The following MRPL12 variants were observed in gnomAD, a reference collection of about 807,000 sequenced individuals.
MRPL12 encodes large ribosomal subunit protein bL12m.
Under a neutral mutation model 21.1 loss-of-function variants are expected in MRPL12, and 13 were observed. That is an observed-to-expected ratio of 0.62 (90% confidence interval 0.40 to 0.98). MRPL12 has a LOEUF of 0.98. MRPL12 is among the 50% of genes least tolerant of loss of function. The pLI is 0.00. For missense variants in MRPL12, 251 were observed against 268.6 expected (o/e 0.93, Z 0.46); for synonymous variants, 126 against 115.3 (o/e 1.09, Z -0.60).
At position 81,704,628 on chromosome 17, in the gene MRPL12, T is replaced by C. The variant is rs2037294040; in HGVS notation, c.262-5T>C. On this transcript the variant is annotated splice_polypyrimidine_tract_variant and splice_region_variant and intron_variant, in intron 2 of 4. Coordinates refer to ENST00000333676, the MANE Select transcript of MRPL12 (RefSeq NM_002949.4). ...AGCTGTGGACACTGTTCTCTATCTC[T>C]GCAGAAAACGTTGAAGATCCAGGAT... 2 of 1,613,906 alleles carry C rather than the reference T, an allele frequency of 1.2e-6. No homozygotes were observed. Among genetic ancestry groups the C allele is most frequent in the South Asian group, 1.1e-5 (1 of 91,080 alleles).
At chr17:81,706,792 G>A in intron 3 of MRPL12, 114 bp from the exon 4 acceptor site, 2 of 1,295,118 alleles carry the variant, frequency 1.5e-6, no homozygotes, top group South Asian at 1.5e-5. Flanking sequence ...AGGCTTCGCT[G>A]GGGCCTCCGC....
rs1367954557 is a variant in MRPL12, at chr17:81,703,583, G to GGC, written c.74+9_74+10insCG. 7.1e-7 allele frequency: 1 copy of GGC among 1,410,298 alleles called. No individual in the cohort carries two copies. Among genetic ancestry groups the GGC allele is most frequent in the Non-Finnish European group, 9.2e-7 (1 of 1,084,728 alleles). 87.4% of individuals were successfully genotyped at this position (1,410,298 alleles called of 1,614,324 possible). A position where few individuals can be genotyped will look rare whatever the true frequency, so the allele number is the denominator to read the frequency against. ...TGCGTTCCGCCTTGCCAGGTACGCG[G>GGC]GATCCTGGGGCGGTCCGGGCCGGCA... On this transcript the variant is annotated intron_variant, in intron 1 of 4. Transcript: ENST00000333676.
intron 3 of MRPL12, among the ~76,000 whole-genome samples, chr17:81,705,389 CAAAA>C (rs758967615): frequency 7.9e-5 from 5 of 63,236 alleles, no homozygotes; most frequent in Non-Finnish European, 1.2e-4. Flanking sequence ...GACCCTGTCT[CAAAA>C]AAAAAAAAAA....
chr17:81,704,869 C>G (rs529106745), intron 3 of MRPL12, among the ~76,000 whole-genome samples, 153 bp downstream of exon 3: 1 of 152,378 alleles, frequency 6.6e-6, no homozygotes, highest in South Asian at 2.1e-4. Context: ...GACCTACTCC[C>G]TGCCACGGAT....
At position 81,707,196 on chromosome 17, in the gene MRPL12, A is replaced by G; in HGVS notation, c.553A>G (p.Lys185Glu). The change falls in exon 5 of 5, where the codon AAG (lysine) becomes GAG (glutamate). Residue 185 changes from lysine to glutamate, a missense_variant. Lys to Glu is a moderately conservative substitution (Grantham distance 56, BLOSUM62 1). Coordinates refer to ENST00000333676, the MANE Select transcript of MRPL12 (RefSeq NM_002949.4). ...NVAKAEAEKI[K>E]AALEAVGGTV... ...CGCCAAAGCTGAGGCGGAGAAGATC[A>G]AGGCGGCCCTGGAGGCGGTGGGCGG... The G allele has an allele frequency of 6.2e-7, 1 of 1,611,988 alleles. No individual in the cohort carries two copies. Among genetic ancestry groups the G allele is most frequent in the Non-Finnish European group, 8.5e-7 (1 of 1,178,770 alleles).
intron 2 of MRPL12, 66 bp downstream of exon 2, chr17:81,704,496 G>A (rs760713762): frequency 4.0e-5 from 64 of 1,586,108 alleles, no homozygotes; most frequent in Non-Finnish European, 5.5e-5. Flanking sequence ...TTTGTTCCTG[G>A]TGTATTTTGG....
At chr17:81,706,601 G>A (rs996445100) in intron 3 of MRPL12, among the ~76,000 whole-genome samples, 1 of 152,136 alleles carries the variant, frequency 6.6e-6, no homozygotes, top group African/African-American at 2.4e-5. Context: ...CTGGACTCGC[G>A]AGGCCAAGGC....
rs752107740 is a variant in MRPL12, at chr17:81,706,899, C to T, written c.346-7C>T. 4 of 1,613,342 alleles carry T rather than the reference C, an allele frequency of 2.5e-6. No individual in the cohort carries two copies. The highest frequency in any genetic ancestry group is 1.3e-5 in the African/African-American group (1 of 74,928). On this transcript the variant is annotated splice_region_variant and splice_polypyrimidine_tract_variant and intron_variant, in intron 3 of 4. Transcript: ENST00000333676. ...CACCTGGCTCCCCTTCTTTCCTGCT[C>T]CCTAAGGCGGTGGAAGAAGATATCC...
intron 3 of MRPL12, among the ~76,000 whole-genome samples, chr17:81,706,393 C>T (rs73354145): frequency 0.049 from 7,480 of 152,112 alleles, 367 homozygotes; most frequent in African/African-American, 0.12. Context: ...ATTACAGGCG[C>T]GCACCACTAG....
At chr17:81,706,885 C>T (rs548458251) in intron 3 of MRPL12, 21 bp from the exon 4 acceptor site, 105 of 1,612,434 alleles carry the variant, frequency 6.5e-5, no homozygotes, top group Admixed American at 1.2e-4. Context: ...ACCTGGCTCC[C>T]CTTCTTTCCT....
chr17:81,704,810 G>A (rs147011808), intron 3 of MRPL12, 94 bp downstream of exon 3: 193 of 1,091,316 alleles, frequency 1.8e-4, no homozygotes, highest in African/African-American at 1.4e-3. Context: ...TGCAGCTACC[G>A]TCATTGTCTG....
chr17:81,705,493 GA>G (rs1159664477), intron 3 of MRPL12, among the ~76,000 whole-genome samples: 1 of 152,134 alleles, frequency 6.6e-6, no homozygotes, highest in Non-Finnish European at 1.5e-5. Flanking sequence ...CTCAAGGTGG[GA>G]GGGAGAGTTC....
chr17:81,703,713 G>A, intron 1 of MRPL12, 138 bp downstream of exon 1: 1 of 837,084 alleles, frequency 1.2e-6, no homozygotes, highest in Non-Finnish European at 1.6e-6. Context: ...GTCCCATCGG[G>A]GGCGCGGGGA....
In MRPL12 at chr17:81,707,277, GC is replaced by G. The variant is rs778329893; in HGVS notation, c.*41del. ...GAGGACTTGTGTTCAGGGGTCCTGG[GC>G]CCCGGGCGAGGTCCCGCCCTCCCGT... On this transcript the variant is annotated 3_prime_UTR_variant, in exon 5 of 5. Transcript: ENST00000333676. 5.9e-6 allele frequency: 9 copies of G among 1,524,418 alleles called. No homozygotes were observed. The African/African-American group carries it at 1.1e-4, about 19-fold the overall frequency. 94.4% of individuals were successfully genotyped at this position (1,524,418 alleles called of 1,614,324 possible).
rs2037295688 is a variant in MRPL12 at position 81,704,704 on chromosome 17, A to G, written c.333A>G (p.Ala111=). The change falls in exon 3 of 5, where the codon GCA becomes GCG. Residue 111 remains alanine (A), a synonymous_variant. Coordinates refer to ENST00000333676, the MANE Select transcript of MRPL12 (RefSeq NM_002949.4). ...GGVMSGAVPA[A]AAQEAVEEDI... is the part of the protein sequence containing the mutation. ...TGATGTCTGGGGCTGTCCCTGCTGCAGCAGCCCAGGAGGTGAGTCCTGGGC... is the reference window on the plus strand; with the variant it reads ...TGATGTCTGGGGCTGTCCCTGCTGCGGCAGCCCAGGAGGTGAGTCCTGGGC... 1.2e-6 allele frequency: 2 copies of G among 1,613,166 alleles called. No individual in the cohort carries two copies. The highest frequency in any genetic ancestry group is 1.7e-6 in the Non-Finnish European group (2 of 1,179,628).
rs1598754520 is a variant in MRPL12 at position 81,704,418 on chromosome 17, C to T, written c.249C>T (p.Asn83=). Reference sequence around the variant, plus strand: ...CTCTCTTGGAAATCTCAGACCTCAACGAGCTCCTGAAGGTATCGTGAGAGG... The same window carrying T: ...CTCTCTTGGAAATCTCAGACCTCAATGAGCTCCTGAAGGTATCGTGAGAGG... The part of the protein sequence containing the change: ...SLTLLEISDL[N]ELLKKTLKIQ... The change falls in exon 2 of 5, where the codon AAC becomes AAT. Residue 83 remains asparagine, a synonymous_variant. Coordinates refer to ENST00000333676, the MANE Select transcript of MRPL12 (RefSeq NM_002949.4). The T allele has an allele frequency of 5.0e-6, 8 of 1,611,970 alleles. No homozygotes were observed. The highest frequency in any genetic ancestry group is 1.7e-5 in the Admixed American group (1 of 59,736).
At chr17:81,704,944 G>A (rs956200170) in intron 3 of MRPL12, among the ~76,000 whole-genome samples, 1 of 152,206 alleles carries the variant, frequency 6.6e-6, no homozygotes, top group Admixed American at 6.5e-5. Context: ...AGCTGAGAGA[G>A]GAAAAAGAGG....
chr17:81,707,221 G>A lies in MRPL12; in HGVS notation c.578G>A (p.Gly193Asp). Reference sequence around the variant, plus strand: ...AAGGCGGCCCTGGAGGCGGTGGGCGGCACCGTGGTTCTGGAGTAGCCTCCA... The same window carrying A: ...AAGGCGGCCCTGGAGGCGGTGGGCGACACCGTGGTTCTGGAGTAGCCTCCA... ...KIKAALEAVG[G>D]TVVLE The change falls in exon 5 of 5, where the codon GGC (glycine) becomes GAC (aspartate). Residue 193 changes from glycine to aspartate, a missense_variant. Physicochemically the swap from Gly to Asp is moderately conservative, Grantham distance 94. Coordinates refer to ENST00000333676, the MANE Select transcript of MRPL12 (RefSeq NM_002949.4). 6.2e-7 allele frequency: 1 copy of A among 1,601,154 alleles called. No homozygotes were observed. Among genetic ancestry groups the A allele is most frequent in the Admixed American group, 1.7e-5 (1 of 58,720 alleles).
chr17:81,703,879 G>A lies in MRPL12; in HGVS notation c.74+304G>A, dbSNP rs544010659. Among the ~76,000 whole-genome samples the A allele has an allele frequency of 7.2e-5, 11 of 152,366 alleles. No homozygotes were observed. In the East Asian group the frequency reaches 2.1e-3, roughly 29 times the overall value. ...TGGGTGCGGCGTTTTGCGGCCAGGG[G>A]CCCCCATGTTTTGGGAGGCTTTGCG... On this transcript the variant is annotated intron_variant, in intron 1 of 4. Transcript: ENST00000333676.
Sources: allele counts gnomAD v4.1 joint callset (sites outside exome capture counted in the v4.1 genomes callset), GRCh38; gene constraint gnomAD v4.1.1; transcripts MANE v1.5; gene names NCBI Gene and HGNC (gene_info 2026-07-23, HGNC 2026-07-21).